VEGFA: variants seen among roughly 807,000 people sequenced by gnomAD.
VEGFA encodes the protein vascular endothelial growth factor A, long form.
In VEGFA, 20 loss-of-function variants were observed where a neutral mutation model predicts 49.7. The ratio of observed to expected loss-of-function variants is 0.40; its 90% CI spans 0.28 to 0.58. VEGFA has a LOEUF of 0.58. Among genes scored for constraint, VEGFA ranks in the 20% least tolerant of loss-of-function variants. The pLI, the probability that VEGFA is intolerant of heterozygous loss-of-function variation, is 0.40. For missense variants in VEGFA, 505 were observed against 553.5 expected (o/e 0.91, Z 0.88); for synonymous variants, 219 against 223.4 (o/e 0.98, Z 0.18).
chr6:43,781,064 T>C (rs952336959), intron 6 of VEGFA: 2 of 798,956 alleles, frequency 2.5e-6, no homozygotes, highest in African/African-American at 3.5e-5. Flanking sequence ...GGACCCTGGC[T>C]TGGCTGGGCA....
rs1769134708 is a variant in VEGFA at position 43,784,602 on chromosome 6, A to G, written c.*40A>G. On this transcript the variant is annotated 3_prime_UTR_variant, in exon 8 of 8. Transcript: ENST00000672860. ...AGGAGCCTCCCTCAGGGTTTCGGGA[A>G]CCAGATCTCTCACCAGGAAAGACTG... The G allele has an allele frequency of 1.2e-6, 2 of 1,614,210 alleles. No individual in the cohort carries two copies. Among genetic ancestry groups the G allele is most frequent in the African/African-American group, 1.3e-5 (1 of 75,054 alleles).
At chr6:43,778,649 C>T in intron 4 of VEGFA, 113 bp downstream of exon 4, 2 of 1,207,542 alleles carry the variant, frequency 1.7e-6, no homozygotes, top group South Asian at 1.3e-5. Flanking sequence ...CGCTATGTGA[C>T]CTTTGGCATT....
chr6:43,782,220 G>C (rs1768068237), intron 7 of VEGFA, 133 bp downstream of exon 7: 1 of 1,342,768 alleles, frequency 7.4e-7, no homozygotes. Context: ...TCAGTTTCTA[G>C]CTGCCTGCCT....
rs200626673 is a variant in VEGFA at position 43,777,569 on chromosome 6, C to T, written c.759C>T (p.Phe253=). 7.5e-5 allele frequency: 121 copies of T among 1,614,078 alleles called. No homozygotes were observed. The highest frequency in any genetic ancestry group is 9.9e-5 in the Non-Finnish European group (117 of 1,180,044). Residue 253 remains phenylalanine, a synonymous_variant, in exon 3 of 8, where the codon TTC becomes TTT. Transcript: ENST00000672860. The surrounding 1 kb of genome is among the most constrained non-coding windows in gnomAD (Gnocchi z 4.3). Reference sequence around the variant, plus strand: ...ACCCTGATGAGATCGAGTACATCTTCAAGCCATCCTGTGTGCCCCTGATGC... The same window carrying T: ...ACCCTGATGAGATCGAGTACATCTTTAAGCCATCCTGTGTGCCCCTGATGC...
Position 43,774,396 on chromosome 6 carries a change from A to G in VEGFA, c.658+4A>G. The G allele has an allele frequency of 6.2e-7, 1 of 1,614,164 alleles. No individual in the cohort carries two copies. Among genetic ancestry groups the G allele is most frequent in the Non-Finnish European group, 8.5e-7 (1 of 1,180,016 alleles). On this transcript the variant is annotated splice_donor_region_variant and intron_variant, in intron 2 of 7. Transcript: ENST00000672860. Reference sequence around the variant, plus strand: ...GGAGGGCAGAATCATCACGAAGGTGAGTCCCCCTGGCTGTTGGATGGGGTT... The same window carrying G: ...GGAGGGCAGAATCATCACGAAGGTGGGTCCCCCTGGCTGTTGGATGGGGTT...
intron 6 of VEGFA, 190 bp downstream of exon 6, chr6:43,780,993 A>AT (rs1469301092): frequency 1.5e-5 from 21 of 1,433,518 alleles, no homozygotes; most frequent in Admixed American, 1.9e-5. Context: ...TGGTGGTGGC[A>AT]TTGCTGGTCC....
At chr6:43,779,237 T>C (rs1001852768) in intron 5 of VEGFA, 2 of 515,648 alleles carry the variant, frequency 3.9e-6, no homozygotes, top group Non-Finnish European at 7.0e-6. Context: ...ACTGGCTTGC[T>C]CTAGGACACC....
At chr6:43,782,126 C>A (rs1445957350) in intron 7 of VEGFA, 39 bp downstream of exon 7, 1 of 1,610,500 alleles carries the variant, frequency 6.2e-7, no homozygotes, top group South Asian at 1.1e-5. Flanking sequence ...AGAGGGGCAT[C>A]ACACAGAGAT....
At position 43,770,866 on chromosome 6, in the gene VEGFA, CTT is replaced by C. The variant is rs1763315487; in HGVS notation, c.163_164del (p.Phe55ArgfsTer29). The C allele has an allele frequency of 6.5e-7, 1 of 1,539,258 alleles. No individual in the cohort carries two copies. The highest frequency in any genetic ancestry group is 8.7e-7 in the Non-Finnish European group (1 of 1,143,546). On this transcript the variant is annotated frameshift_variant, in exon 1 of 8. Coordinates refer to ENST00000672860, the MANE Select transcript of VEGFA (RefSeq NM_003376.6). LOFTEE classifies it high-confidence loss of function. ...CGGGGCTCGCGGCGTCGCACTGAAA[CTT>C]TTCGTCCAACTTCTGGGCTGTTCTC...
intron 4 of VEGFA, 165 bp from the exon 5 acceptor site, chr6:43,778,724 A>G: frequency 1.0e-6 from 1 of 979,128 alleles, no homozygotes; most frequent in Non-Finnish European, 1.6e-6. Flanking sequence ...ACTTCATAGC[A>G]TTGTTATAAT....
intron 6 of VEGFA, 145 bp downstream of exon 6, chr6:43,780,948 C>T: frequency 1.3e-6 from 2 of 1,596,134 alleles, no homozygotes; most frequent in East Asian, 2.2e-5. Flanking sequence ...CTCTCTCACT[C>T]TCTCACTCCA....
In VEGFA at chr6:43,786,444, A is replaced by G. The variant is rs1262868047; in HGVS notation, c.*1882A>G. The stretch of plus-strand genomic sequence containing the variant: ...AAAGAAATACAGATATATCTTAAAA[A>G]AAAAAAAGCATTTTGTATTAAAGAA... On this transcript the variant is annotated 3_prime_UTR_variant, in exon 8 of 8. Coordinates refer to ENST00000672860, the MANE Select transcript of VEGFA (RefSeq NM_003376.6). The G allele has an allele frequency of 4.1e-5, 7 of 169,660 alleles. No homozygotes were observed. The Admixed American group carries it at 4.5e-4, about 11-fold the overall frequency. The allele number at this position is 169,660 out of a possible 1,614,324, so 10.5% of individuals were successfully genotyped here.
chr6:43,777,608 C>T lies in VEGFA; in HGVS notation c.798C>T (p.Cys266=), dbSNP rs2128028550. The change falls in exon 3 of 8, where the codon TGC becomes TGT. Residue 266 remains cysteine (C), a synonymous_variant. Coordinates refer to ENST00000672860, the MANE Select transcript of VEGFA (RefSeq NM_003376.6). The surrounding 1 kb of genome is among the most constrained non-coding windows in gnomAD (Gnocchi z 4.3). ...TGCCCCTGATGCGATGCGGGGGCTG[C>T]TGCAATGACGAGGGCCTGGAGTGTG... The T allele has an allele frequency of 6.2e-7, 1 of 1,613,756 alleles. No homozygotes were observed. Among genetic ancestry groups the T allele is most frequent in the South Asian group, 1.1e-5 (1 of 91,070 alleles).
chr6:43,772,145 C>T, intron 1 of VEGFA: 1 of 882,188 alleles, frequency 1.1e-6, no homozygotes, highest in Non-Finnish European at 1.4e-6. Context: ...CTACCCCTTC[C>T]TACTGTCTCC....
Position 43,785,024 on chromosome 6 carries a change from G to A in VEGFA, c.*462G>A, listed in dbSNP as rs1378985785. 3 of 186,486 alleles carry A rather than the reference G, an allele frequency of 1.6e-5. No individual in the cohort carries two copies. Among genetic ancestry groups the A allele is most frequent in the African/African-American group, 7.1e-5 (3 of 42,372 alleles). 11.6% of individuals were successfully genotyped at this position (186,486 alleles called of 1,614,324 possible). A position where few individuals can be genotyped will look rare whatever the true frequency, so the allele number is the denominator to read the frequency against. ...AATTAACAGTGCTAATGTTATTGGT[G>A]TCTTCACTGGATGTATTTGACTGCT... On this transcript the variant is annotated 3_prime_UTR_variant, in exon 8 of 8. Transcript: ENST00000672860.
intron 5 of VEGFA, chr6:43,780,412 T>G (rs1245938135): frequency 4.8e-6 from 2 of 415,814 alleles, no homozygotes; most frequent in Non-Finnish European, 9.0e-6. Flanking sequence ...TGGGAGCCAC[T>G]GTGAGTGTGG....
rs1561984527 is a variant in VEGFA, at chr6:43,773,818, G to A, written c.607-523G>A. The A allele has an allele frequency of 1.1e-5, 2 of 182,630 alleles. No homozygotes were observed. The highest frequency in any genetic ancestry group is 2.4e-5 in the Non-Finnish European group (2 of 83,916). 11.3% of individuals were successfully genotyped at this position (182,630 alleles called of 1,614,324 possible). On this transcript the variant is annotated intron_variant, in intron 1 of 7. Coordinates refer to ENST00000672860, the MANE Select transcript of VEGFA (RefSeq NM_003376.6). The surrounding 1 kb of genome is among the most constrained non-coding windows in gnomAD (Gnocchi z 5.6). ...AGAGCTTGGATGGGGGAGGGTGGTTGGTGCCCTTCGGTCCTCGGCACCCCC... is the reference window on the plus strand; with the variant it reads ...AGAGCTTGGATGGGGGAGGGTGGTTAGTGCCCTTCGGTCCTCGGCACCCCC...
chr6:43,775,695 C>G (rs1417902576), intron 2 of VEGFA: 1 of 152,264 alleles, frequency 6.6e-6, no homozygotes, highest in Non-Finnish European at 1.5e-5. Flanking sequence ...CCCCTATCGA[C>G]TTGGCTTTAA....
At chr6:43,778,407 G>A in intron 3 of VEGFA, 53 bp from the exon 4 acceptor site, 1 of 1,532,486 alleles carries the variant, frequency 6.5e-7, no homozygotes, top group Non-Finnish European at 9.0e-7. Flanking sequence ...TGTCCCATCT[G>A]GGTATGGCTG....
Sources: gnomAD v4.1 joint callset for allele counts on GRCh38, gnomAD v4.1.1 for gene constraint, Gnocchi (gnomAD v3.1) non-coding constraint, MANE v1.5 for transcripts, NCBI Gene and HGNC (gene_info 2026-07-23, HGNC 2026-07-21) for gene names.